The following CD47 variants were observed in gnomAD, a reference collection of about 807,000 sequenced individuals.
The protein encoded by CD47 is leukocyte surface antigen CD47.
Under a neutral mutation model 44.6 loss-of-function variants are expected in CD47, and 11 were observed. That is an observed-to-expected ratio of 0.25 (90% CI 0.16 to 0.41). The LOEUF (loss-of-function observed/expected upper bound fraction) is 0.41, where lower values mean the gene tolerates loss of function less well. Ranked by LOEUF, CD47 falls within the 10% of genes least tolerant of loss-of-function variation. The pLI is 1.00. For synonymous variants in CD47, 140 were observed against 136.3 expected (o/e 1.03, Z -0.19); for missense variants, 306 against 386.7 (o/e 0.79, Z 1.75).
chr3:108,068,060 T>C (rs2079134583), intron 3 of CD47, among the ~76,000 whole-genome samples: 1 of 151,810 alleles, frequency 6.6e-6, no homozygotes, highest in South Asian at 2.1e-4. Context: ...CCATAAATGG[T>C]AATCAGGAAA....
intron 6 of CD47, 21 bp downstream of exon 6, chr3:108,058,316 C>G: frequency 1.4e-6 from 2 of 1,434,934 alleles, no homozygotes; most frequent in Non-Finnish European, 1.9e-6. Flanking sequence ...CAAATTAGGT[C>G]TACAGAAAGA....
intron 9 of CD47, 84 bp downstream of exon 9, chr3:108,050,494 G>A (rs2078808076): frequency 5.7e-6 from 4 of 700,464 alleles, no homozygotes; most frequent in South Asian, 1.7e-5. Flanking sequence ...TTCTTCCTAA[G>A]GCATAGACAG....
rs778628227 is a variant in CD47 at position 108,090,873 on chromosome 3, C to T, written c.36G>A (p.Ser12=). 23 of 1,493,190 alleles carry T rather than the reference C, an allele frequency of 1.5e-5. No homozygotes were observed. The highest frequency in any genetic ancestry group is 2.0e-5 in the Non-Finnish European group (23 of 1,127,460). The allele number at this position is 1,493,190 out of a possible 1,614,324, so 92.5% of individuals were successfully genotyped here. The change falls in exon 1 of 11, where the codon TCG becomes TCA. Residue 12 remains serine, a synonymous_variant. Coordinates refer to ENST00000361309, the MANE Select transcript of CD47 (RefSeq NM_001777.4). ...WPLVAALLLG[S]ACCGSAQLLF... ...CGAGGAGCCACTCACCGCAGCACGC[C>T]GAGCCCAGCAACAGCGCCGCTACCA... is the stretch of plus-strand genomic sequence containing the variant.
chr3:108,058,497 C>T, intron 5 of CD47, 68 bp from the exon 6 acceptor site: 2 of 1,060,410 alleles, frequency 1.9e-6, no homozygotes, highest in African/African-American at 1.6e-5. Flanking sequence ...CTTCCACTTG[C>T]ATTTGGTATA....
rs71299349 is a variant in CD47, at chr3:108,069,511, GTTT to G, written c.490+1579_490+1581del. Among the ~76,000 whole-genome samples, 41 of 140,494 alleles carry G rather than the reference GTTT, an allele frequency of 2.9e-4. No individual in the cohort carries two copies. The East Asian group carries it at 5.3e-3, about 18-fold the overall frequency. The allele number at this position is 140,494 out of a possible 152,430, so 92.2% of individuals were successfully genotyped here. A position where few individuals can be genotyped will look rare whatever the true frequency, so the allele number is the denominator to read the frequency against. On this transcript the variant is annotated intron_variant, in intron 3 of 10. Transcript: ENST00000361309. The stretch of plus-strand genomic sequence containing the variant: ...TTCTAGGTTTGGGGACTACAGATGA[GTTT>G]TTTTTTTTTTTTTTTAAATAACTCC...
intron 1 of CD47, among the ~76,000 whole-genome samples, chr3:108,082,585 T>C (rs1237707991): frequency 1.3e-5 from 2 of 151,996 alleles, no homozygotes; most frequent in South Asian, 2.1e-4. Context: ...GTATGAATCA[T>C]GGTTTGACTT....
chr3:108,049,840 C>T (rs866316970), intron 9 of CD47, among the ~76,000 whole-genome samples, 189 bp from the exon 10 acceptor site: 1 of 152,100 alleles, frequency 6.6e-6, no homozygotes, highest in South Asian at 2.1e-4. Context: ...AGGAAACAGA[C>T]TTAGTTGGGA....
rs181796753 is a variant in CD47, at chr3:108,084,693, T to C, written c.47-4349A>G. ...CCCCACTTCTTACCCTCAGCCTAAATCACTTTGCTAAAGTATTTTCTATCA... is the reference window on the plus strand; with the variant it reads ...CCCCACTTCTTACCCTCAGCCTAAACCACTTTGCTAAAGTATTTTCTATCA... On this transcript the variant is annotated intron_variant, in intron 1 of 10. Transcript: ENST00000361309. Among the ~76,000 whole-genome samples the C allele has an allele frequency of 1.3e-5, 2 of 152,204 alleles. 1 individual carries two copies. Among genetic ancestry groups the C allele is most frequent in the East Asian group, 3.9e-4 (2 of 5,178 alleles).
At chr3:108,067,246 G>C (rs1400409600) in intron 3 of CD47, among the ~76,000 whole-genome samples, 1 of 152,164 alleles carries the variant, frequency 6.6e-6, no homozygotes, top group Non-Finnish European at 1.5e-5. Flanking sequence ...AAATTTTAAA[G>C]GTCATGGAAC....
chr3:108,049,489 G>T, intron 10 of CD47, 130 bp downstream of exon 10: 1 of 699,546 alleles, frequency 1.4e-6, no homozygotes. Flanking sequence ...TATACATCAA[G>T]AAATGTGAAC....
intron 1 of CD47, among the ~76,000 whole-genome samples, chr3:108,089,435 T>A (rs2079585202): frequency 6.6e-6 from 1 of 152,212 alleles, no homozygotes; most frequent in South Asian, 2.1e-4. Flanking sequence ...TTAAAAATAG[T>A]ATATGGTTTA....
At chr3:108,050,524 G>T in intron 9 of CD47, 54 bp downstream of exon 9, 1 of 815,398 alleles carries the variant, frequency 1.2e-6, no homozygotes, top group South Asian at 1.6e-5. Context: ...ACTGTTTTGC[G>T]GGCCAGATCA....
chr3:108,065,705 G>A (rs1348737447), intron 3 of CD47, among the ~76,000 whole-genome samples: 8 of 151,108 alleles, frequency 5.3e-5, no homozygotes, highest in Admixed American at 1.3e-4. Context: ...GTAGCTACTC[G>A]GGAGGCTGAG....
intron 2 of CD47, among the ~76,000 whole-genome samples, chr3:108,074,780 T>G (rs1482141371): frequency 6.6e-6 from 1 of 152,088 alleles, no homozygotes; most frequent in African/African-American, 2.4e-5. Context: ...TGCTGCACAT[T>G]TCTGCTGTAT....
chr3:108,055,885 T>C (rs1431781507), intron 7 of CD47, among the ~76,000 whole-genome samples: 10 of 152,124 alleles, frequency 6.6e-5, no homozygotes, highest in Admixed American at 5.2e-4. Context: ...ACTTGAGACA[T>C]TGTCACCAGA....
chr3:108,057,922 G>A (rs1309179596), intron 6 of CD47, among the ~76,000 whole-genome samples: 1 of 152,144 alleles, frequency 6.6e-6, no homozygotes, highest in African/African-American at 2.4e-5. Flanking sequence ...TATCTTTGTA[G>A]CGAGGAGGAA....
intron 1 of CD47, among the ~76,000 whole-genome samples, chr3:108,088,748 C>T (rs533944435): frequency 1.3e-5 from 2 of 152,220 alleles, no homozygotes; most frequent in Admixed American, 6.5e-5. Context: ...TGAAACTATG[C>T]ACTTTTAAAC....
chr3:108,080,086 T>G lies in CD47; in HGVS notation c.305A>C (p.Lys102Thr), dbSNP rs753998111. ...TCCTGTGTGTGAGACAGCATCACTC[T>G]TATCCATCTTCAAAGAGGCATCTCC... ...LKGDASLKMD[K>T]SDAVSHTGNY... is the part of the protein sequence containing the mutation. The change falls in exon 2 of 11, where the codon AAG (lysine) becomes ACG (threonine). Residue 102 changes from lysine (K) to threonine (T), a missense_variant. Coordinates refer to ENST00000361309, the MANE Select transcript of CD47 (RefSeq NM_001777.4). 6.2e-7 allele frequency: 1 copy of G among 1,613,148 alleles called. No homozygotes were observed. The highest frequency in any genetic ancestry group is 8.5e-7 in the Non-Finnish European group (1 of 1,179,224).
chr3:108,052,111 C>A, intron 7 of CD47, 141 bp from the exon 8 acceptor site: 1 of 535,238 alleles, frequency 1.9e-6, no homozygotes. Context: ...CCAGCTCTGA[C>A]AGTCTATTCA....
Sources: allele counts gnomAD v4.1 joint callset (sites outside exome capture counted in the v4.1 genomes callset), GRCh38; gene constraint gnomAD v4.1.1; transcripts MANE v1.5; gene names NCBI Gene and HGNC (gene_info 2026-07-23, HGNC 2026-07-21).